Variants in PSEN1 observed in about 807,000 individuals in gnomAD.
PSEN1 encodes presenilin 1.
In PSEN1, 15 loss-of-function variants were observed where a neutral mutation model predicts 53.5. That is an observed-to-expected ratio of 0.28 (90% CI 0.19 to 0.43). The LOEUF (loss-of-function observed/expected upper bound fraction) is 0.43. Among genes scored for constraint, PSEN1 ranks in the 20% least tolerant of loss-of-function variants. The pLI is 1.00. For missense variants in PSEN1, 387 were observed against 571.2 expected (o/e 0.68, Z 3.29); for synonymous variants, 208 against 209.8 (o/e 0.99, Z 0.08).
At chr14:73,210,806 CTT>C (rs1053890619) in intron 9 of PSEN1, among the ~76,000 whole-genome samples, 118 of 152,250 alleles carry the variant, frequency 7.8e-4, no homozygotes, top group African/African-American at 2.6e-3. Context: ...GGCAAATCTA[CTT>C]CTGCTCTGAA....
chr14:73,197,974 T>C, intron 7 of PSEN1, 57 bp from the exon 8 acceptor site: 1 of 944,466 alleles, frequency 1.1e-6, no homozygotes, highest in African/African-American at 1.6e-5. Context: ...CTACCACCCA[T>C]TTACAAGTTT....
rs142189156 is a variant in PSEN1, at chr14:73,181,939, A to G, written c.481-4914A>G. Among the ~76,000 whole-genome samples the G allele has an allele frequency of 1.3e-3, 199 of 152,076 alleles. 2 individuals carry two copies. Among genetic ancestry groups the G allele is most frequent in the African/African-American group, 4.5e-3 (188 of 41,456 alleles). ...CAGGCACCTGCCACCACGCCTAGCT[A>G]ATGTTCGTATTTTTAGTAGAGACGG... On this transcript the variant is annotated intron_variant, in intron 5 of 11. Transcript: ENST00000324501.
intron 3 of PSEN1, among the ~76,000 whole-genome samples, chr14:73,152,932 A>C (rs1594971731): frequency 6.6e-6 from 1 of 152,292 alleles, no homozygotes; most frequent in East Asian, 1.9e-4. Flanking sequence ...AATCCCAGCT[A>C]CCTGGGAGGC....
chr14:73,161,582 A>G (rs928230862), intron 3 of PSEN1, among the ~76,000 whole-genome samples: 1 of 152,038 alleles, frequency 6.6e-6, no homozygotes, highest in African/African-American at 2.4e-5. Context: ...GGCAGGGTCC[A>G]GGAGACACCC....
chr14:73,188,036 C>G (rs1318848507), intron 6 of PSEN1, among the ~76,000 whole-genome samples: 3 of 152,030 alleles, frequency 2.0e-5, no homozygotes, highest in Non-Finnish European at 2.9e-5. Context: ...TCAAGCGATT[C>G]TCCTGCCTCA....
At chr14:73,152,613 GA>G (rs916394170) in intron 3 of PSEN1, among the ~76,000 whole-genome samples, 2 of 144,668 alleles carry the variant, frequency 1.4e-5, no homozygotes, top group Non-Finnish European at 1.5e-5. Context: ...CTCAAAAAAA[GA>G]AAAAAAAAAC....
rs527377893 is a variant in PSEN1 at position 73,154,295 on chromosome 14, CAATTATA to C, written c.87+6192_87+6198del. Among the ~76,000 whole-genome samples the C allele has an allele frequency of 2.1e-4, 32 of 152,212 alleles. 1 individual carries two copies. The South Asian group carries it at 6.2e-3, about 30-fold the overall frequency. On this transcript the variant is annotated intron_variant, in intron 3 of 11. Transcript: ENST00000324501. ...ACCTAAATTCATATTCAACTACACA[CAATTATA>C]AACTTAATTGCAGAGCTAGGTGTGG...
chr14:73,206,071 C>T, intron 8 of PSEN1: 2 of 346,402 alleles, frequency 5.8e-6, no homozygotes, highest in Non-Finnish European at 5.4e-6. Context: ...TCAACTAGTC[C>T]AGCTATTGTT....
intron 8 of PSEN1, among the ~76,000 whole-genome samples, chr14:73,204,703 T>C (rs1566649684): frequency 6.6e-6 from 1 of 152,278 alleles, no homozygotes; most frequent in African/African-American, 2.4e-5. Context: ...AAAGAAAACC[T>C]AATAAATCGC....
chr14:73,211,823 G>A lies in PSEN1; in HGVS notation c.1010G>A (p.Ser337Asn). 6.2e-7 allele frequency: 1 copy of A among 1,614,122 alleles called. No homozygotes were observed. The highest frequency in any genetic ancestry group is 2.2e-5 in the East Asian group (1 of 44,870). ...TVAENDDGGF[S>N]EEWEAQRDSH... ...GCAGAGAATGATGATGGCGGGTTCAGTGAGGAATGGGAAGCCCAGAGGGAC... is the reference window on the plus strand; with the variant it reads ...GCAGAGAATGATGATGGCGGGTTCAATGAGGAATGGGAAGCCCAGAGGGAC... Residue 337 changes from serine to asparagine, a missense_variant, in exon 10 of 12, where the codon AGT (serine) becomes AAT (asparagine). Physicochemically the swap from Ser to Asn is conservative, Grantham distance 46. Transcript: ENST00000324501.
intron 3 of PSEN1, among the ~76,000 whole-genome samples, chr14:73,161,817 G>A (rs910144434): frequency 7.2e-5 from 11 of 152,054 alleles, no homozygotes; most frequent in African/African-American, 2.7e-4. Flanking sequence ...CATTATTAGC[G>A]GAAACTTGTT....
rs200327005 is a variant in PSEN1 at position 73,219,722 on chromosome 14, C to A, written c.*433C>A. The A allele has an allele frequency of 4.5e-6, 1 of 222,868 alleles. No homozygotes were observed. The highest frequency in any genetic ancestry group is 9.1e-6 in the Non-Finnish European group (1 of 110,332). The allele number at this position is 222,868 out of a possible 1,614,324, so 13.8% of individuals were successfully genotyped here. Reference sequence around the variant, plus strand: ...TCATCTTAAACTACACGTTGAAAATCAACCCAATAATTCTGTATTAACTGA... The same window carrying A: ...TCATCTTAAACTACACGTTGAAAATAAACCCAATAATTCTGTATTAACTGA... On this transcript the variant is annotated 3_prime_UTR_variant, in exon 12 of 12. Coordinates refer to ENST00000324501, the MANE Select transcript of PSEN1 (RefSeq NM_000021.4).
chr14:73,218,643 ACACAGCATAAAGAATGCTCCCG>A lies in PSEN1; in HGVS notation c.1249-481_1249-460del, dbSNP rs372245637. Among the ~76,000 whole-genome samples the A allele has an allele frequency of 2.3e-3, 355 of 151,634 alleles. 2 individuals are homozygous for A. The highest frequency in any genetic ancestry group is 8.2e-3 in the African/African-American group (337 of 41,296). On this transcript the variant is annotated intron_variant, in intron 11 of 11. Coordinates refer to ENST00000324501, the MANE Select transcript of PSEN1 (RefSeq NM_000021.4). The stretch of plus-strand genomic sequence containing the variant: ...GAGCCTGTGCGGGAAGAATGCTCCC[ACACAGCATAAAGAATGCTCCCG>A]CACAGCATAGAGAATGCCCCCGCAC...
chr14:73,161,573 G>A (rs1759592318), intron 3 of PSEN1, among the ~76,000 whole-genome samples: 1 of 151,872 alleles, frequency 6.6e-6, no homozygotes, highest in South Asian at 2.1e-4. Context: ...GACACATAGG[G>A]CAGGGTCCAG....
At chr14:73,159,695 T>A (rs912303069) in intron 3 of PSEN1, among the ~76,000 whole-genome samples, 2 of 152,220 alleles carry the variant, frequency 1.3e-5, no homozygotes, top group African/African-American at 4.8e-5. Flanking sequence ...ATGGGGAGGC[T>A]TTTGAATTTG....
At chr14:73,157,469 A>G (rs751442372) in intron 3 of PSEN1, among the ~76,000 whole-genome samples, 1 of 152,142 alleles carries the variant, frequency 6.6e-6, no homozygotes, top group Non-Finnish European at 1.5e-5. Context: ...AAACAGCTTT[A>G]TTGTGGTATA....
At chr14:73,214,013 A>G (rs1899807742) in intron 10 of PSEN1, among the ~76,000 whole-genome samples, 1 of 152,140 alleles carries the variant, frequency 6.6e-6, no homozygotes, top group African/African-American at 2.4e-5. Flanking sequence ...ACATATGTCA[A>G]CACAAAGACA....
intron 1 of PSEN1, among the ~76,000 whole-genome samples, chr14:73,142,551 T>C (rs1431831754): frequency 6.6e-6 from 1 of 152,188 alleles, no homozygotes; most frequent in East Asian, 1.9e-4. Flanking sequence ...CTGCAGGAGT[T>C]TGAGGTTTTG....
intron 3 of PSEN1, among the ~76,000 whole-genome samples, chr14:73,165,329 CCTGGCTCAAACGATT>C (rs923367518): frequency 1.3e-5 from 2 of 152,142 alleles, no homozygotes; most frequent in Non-Finnish European, 2.9e-5. Context: ...CACTACATTC[CCTGGCTCAAACGATT>C]CTGGCTCAAA....
Sources: gnomAD v4.1 joint callset for allele counts (sites outside exome capture counted in the v4.1 genomes callset) on GRCh38, gnomAD v4.1.1 for gene constraint, MANE v1.5 for transcripts, NCBI Gene and HGNC (gene_info 2026-07-23, HGNC 2026-07-21) for gene names.